Variants in CADPS2 observed in about 807,000 individuals in gnomAD.
CADPS2 encodes the protein calcium dependent secretion activator 2.
Under a neutral mutation model 172.5 loss-of-function variants are expected in CADPS2, and 93 were observed. The ratio of observed to expected loss-of-function variants is 0.54; its 90% CI spans 0.46 to 0.64. The LOEUF is 0.64. Among genes scored for constraint, CADPS2 ranks in the 30% least tolerant of loss-of-function variants. CADPS2 has a pLI of 0.00. For missense variants in CADPS2, 1,420 were observed against 1,565.9 expected (o/e 0.91, Z 1.57); for synonymous variants, 546 against 555.2 (o/e 0.98, Z 0.23).
chr7:122,784,883 T>C (rs1004246549), intron 1 of CADPS2, among the ~76,000 whole-genome samples: 3 of 152,206 alleles, frequency 2.0e-5, no homozygotes, highest in Non-Finnish European at 4.4e-5. Context: ...ATATTGTCTA[T>C]TATATAATTA....
chr7:122,830,486 A>C (rs1806218340), intron 1 of CADPS2, among the ~76,000 whole-genome samples: 1 of 152,248 alleles, frequency 6.6e-6, no homozygotes, highest in Admixed American at 6.5e-5. Context: ...CAACAATTTT[A>C]AAATAAGCAA....
intron 22 of CADPS2, among the ~76,000 whole-genome samples, chr7:122,390,665 G>A (rs888323834): frequency 2.6e-5 from 4 of 151,964 alleles, no homozygotes; most frequent in Non-Finnish European, 5.9e-5. Flanking sequence ...CAATAAATGT[G>A]TTTAATTGGG....
In CADPS2 at chr7:122,320,265, T is replaced by C. The variant is rs536474930; in HGVS notation, c.3791A>G (p.His1264Arg). 1.2e-6 allele frequency: 2 copies of C among 1,613,700 alleles called. No homozygotes were observed. The highest frequency in any genetic ancestry group is 2.7e-5 in the African/African-American group (2 of 75,040). The change falls in exon 30 of 30, where the codon CAC becomes CGC. Residue 1264 changes from histidine to arginine, a missense_variant. Physicochemically the swap from His to Arg is conservative, Grantham distance 29. Transcript: ENST00000449022. ...GGCCTCCTCTACTGTTAAACGTCTG[T>C]GCACAGTATCATAAGTCTTACTGTT... ...TLNSKTYDTV[H>R]RRLTVEEATA...
intron 17 of CADPS2, among the ~76,000 whole-genome samples, chr7:122,423,832 G>T (rs992593252): frequency 1.3e-5 from 2 of 152,198 alleles, no homozygotes; most frequent in Admixed American, 6.5e-5. Flanking sequence ...CTAACAAGTT[G>T]CCAGGTGATG....
intron 8 of CADPS2, among the ~76,000 whole-genome samples, chr7:122,535,958 C>T (rs1257882774): frequency 6.6e-6 from 1 of 152,088 alleles, no homozygotes; most frequent in Non-Finnish European, 1.5e-5. Context: ...ATCTACCCAA[C>T]TGAACTAAGT....
chr7:122,836,034 G>C lies in CADPS2; in HGVS notation c.339+49965C>G, dbSNP rs538527938. ...ATGTTAAGGGCAGCCAGAGAGAAAG[G>C]TCGGGTTACCCACAAAGGGAAGCAC... On this transcript the variant is annotated intron_variant, in intron 1 of 29. Transcript: ENST00000449022. Among the ~76,000 whole-genome samples, 3 of 152,246 alleles carry C rather than the reference G, an allele frequency of 2.0e-5. 1 individual carries two copies. The South Asian group carries it at 6.2e-4, about 32-fold the overall frequency.
At chr7:122,383,857 G>C (rs2043298859) in intron 24 of CADPS2, among the ~76,000 whole-genome samples, 1 of 152,110 alleles carries the variant, frequency 6.6e-6, no homozygotes, top group Non-Finnish European at 1.5e-5. Flanking sequence ...TCCAGAAATG[G>C]ATGCATTTTA....
chr7:122,652,901 T>C (rs1045166034), intron 3 of CADPS2, among the ~76,000 whole-genome samples: 2 of 152,290 alleles, frequency 1.3e-5, no homozygotes, highest in African/African-American at 4.8e-5. Context: ...TCTTCTATCT[T>C]AGTGTTTTAA....
intron 1 of CADPS2, among the ~76,000 whole-genome samples, chr7:122,786,720 A>C (rs1447476357): frequency 1.3e-5 from 2 of 152,204 alleles, no homozygotes; most frequent in Non-Finnish European, 2.9e-5. Flanking sequence ...TTATATGAGA[A>C]TTGAGTCGAG....
chr7:122,810,471 T>G (rs1272201212), intron 1 of CADPS2, among the ~76,000 whole-genome samples: 1 of 152,194 alleles, frequency 6.6e-6, no homozygotes, highest in Non-Finnish European at 1.5e-5. Flanking sequence ...GGTTGAGGAA[T>G]TTTGGAGACC....
chr7:122,655,978 G>T (rs925797131), intron 3 of CADPS2, among the ~76,000 whole-genome samples: 10 of 152,082 alleles, frequency 6.6e-5, no homozygotes, highest in African/African-American at 2.2e-4. Context: ...ACTTTTCTTG[G>T]ACTTCTCAGA....
chr7:122,548,039 G>A (rs542638397), intron 8 of CADPS2, among the ~76,000 whole-genome samples: 1 of 152,192 alleles, frequency 6.6e-6, no homozygotes, highest in East Asian at 1.9e-4. Flanking sequence ...AGTAAGTATT[G>A]AGTCAGCTGT....
intron 1 of CADPS2, among the ~76,000 whole-genome samples, chr7:122,810,697 C>A (rs572472930): frequency 6.6e-6 from 1 of 152,138 alleles, no homozygotes; most frequent in East Asian, 1.9e-4. Flanking sequence ...CTCAAGTGAT[C>A]CTTCTGCCTC....
chr7:122,389,531 A>G (rs1407794850), intron 22 of CADPS2, among the ~76,000 whole-genome samples: 6 of 151,956 alleles, frequency 3.9e-5, no homozygotes, highest in African/African-American at 9.7e-5. Context: ...TATAGAAGTT[A>G]CCTTCTAGAA....
chr7:122,853,458 T>C (rs1814271778), intron 1 of CADPS2, among the ~76,000 whole-genome samples: 1 of 152,200 alleles, frequency 6.6e-6, no homozygotes, highest in Non-Finnish European at 1.5e-5. Flanking sequence ...ACTCCTCCCT[T>C]TGTTGCTTTA....
intron 14 of CADPS2, among the ~76,000 whole-genome samples, chr7:122,457,889 G>A (rs1024459977): frequency 6.6e-6 from 1 of 151,966 alleles, no homozygotes; most frequent in Non-Finnish European, 1.5e-5. Context: ...AAGACACCAG[G>A]GTTAACACTG....
chr7:122,701,089 G>C (rs1460283325), intron 2 of CADPS2, among the ~76,000 whole-genome samples: 1 of 151,948 alleles, frequency 6.6e-6, no homozygotes, highest in Non-Finnish European at 1.5e-5. Context: ...TATTAAAAAA[G>C]GAAACTTTAA....
chr7:122,535,820 C>T (rs1482596335), intron 8 of CADPS2, among the ~76,000 whole-genome samples: 1 of 152,064 alleles, frequency 6.6e-6, no homozygotes, highest in East Asian at 1.9e-4. Context: ...CCTTTTAAAA[C>T]TTTTACAAAA....
chr7:122,712,461 T>G (rs958887056), intron 2 of CADPS2, among the ~76,000 whole-genome samples: 10 of 152,150 alleles, frequency 6.6e-5, no homozygotes, highest in African/African-American at 2.4e-4. Context: ...TAGTACTTAA[T>G]AGTAAGTGCA....
Sources: gnomAD v4.1 joint callset for allele counts (sites outside exome capture counted in the v4.1 genomes callset) on GRCh38, gnomAD v4.1.1 for gene constraint, MANE v1.5 for transcripts, NCBI Gene and HGNC (gene_info 2026-07-23, HGNC 2026-07-21) for gene names.